ADAM23: variants seen among roughly 807,000 people sequenced by gnomAD.
ADAM23 encodes disintegrin and metalloproteinase domain-containing protein 23.
In ADAM23, 33 loss-of-function variants were observed where a neutral mutation model predicts 120.1. That is an observed-to-expected ratio of 0.27 (90% confidence interval 0.21 to 0.37). The LOEUF (loss-of-function observed/expected upper bound fraction) is 0.37. Among genes scored for constraint, ADAM23 ranks in the 10% least tolerant of loss-of-function variants. The pLI is 1.00. For synonymous variants in ADAM23, 367 were observed against 375.2 expected (o/e 0.98, Z 0.25); for missense variants, 862 against 1,058.2 (o/e 0.81, Z 2.57).
intron 18 of ADAM23, among the ~76,000 whole-genome samples, chr2:206,579,446 A>G (rs576087811): frequency 4.6e-5 from 7 of 152,266 alleles, no homozygotes; most frequent in African/African-American, 9.6e-5. Context: ...TCATTCTCCT[A>G]CATGTGGCTA....
intron 4 of ADAM23, among the ~76,000 whole-genome samples, chr2:206,539,939 A>C (rs1433646059): frequency 6.6e-6 from 1 of 152,226 alleles, no homozygotes; most frequent in Non-Finnish European, 1.5e-5. Context: ...ATATAACTAC[A>C]CAATTTAGCT....
intron 3 of ADAM23, among the ~76,000 whole-genome samples, chr2:206,502,034 G>A (rs1238695888): frequency 6.6e-6 from 1 of 152,052 alleles, no homozygotes; most frequent in East Asian, 1.9e-4. Flanking sequence ...GTATCTGGTT[G>A]CATTGGGAAG....
At chr2:206,450,538 C>A (rs1695171725) in intron 2 of ADAM23, among the ~76,000 whole-genome samples, 1 of 152,132 alleles carries the variant, frequency 6.6e-6, no homozygotes, top group South Asian at 2.1e-4. Context: ...TCAAAATACT[C>A]AAGTATTTTT....
At chr2:206,486,228 T>C (rs897382794) in intron 3 of ADAM23, among the ~76,000 whole-genome samples, 1 of 152,160 alleles carries the variant, frequency 6.6e-6, no homozygotes, top group Non-Finnish European at 1.5e-5. Flanking sequence ...ATTACACTCC[T>C]CTCAGGGTGC....
chr2:206,582,425 G>A (rs1698236821), intron 18 of ADAM23, among the ~76,000 whole-genome samples: 1 of 152,084 alleles, frequency 6.6e-6, no homozygotes, highest in Admixed American at 6.5e-5. Flanking sequence ...TTAAGTTTAT[G>A]TGAGTGTTTA....
rs1261680065 is a variant in ADAM23, at chr2:206,477,923, A to ATATATATATATATAT, written c.433-3309_433-3308insTATATATATATATAT. ...ATATATATATATATATATATATATA[A>ATATATATATATATAT]AACAACAATGTGGTTTATAAAATAA... On this transcript the variant is annotated intron_variant, in intron 2 of 25. Transcript: ENST00000264377. 4.3e-4 allele frequency among the ~76,000 whole-genome samples: 39 copies of ATATATATATATATAT among 90,642 alleles called. 1 individual carries two copies. The highest frequency in any genetic ancestry group is 6.2e-4 in the African/African-American group (13 of 21,102). The allele number at this position is 90,642 out of a possible 152,430, so 59.5% of individuals were successfully genotyped here.
At chr2:206,609,601 G>A in intron 24 of ADAM23, 1 of 291,490 alleles carries the variant, frequency 3.4e-6, no homozygotes, top group Non-Finnish European at 6.3e-6. Context: ...GATACTGGGA[G>A]AGGGGAAGAG....
chr2:206,535,788 T>G (rs1383131020), intron 4 of ADAM23, among the ~76,000 whole-genome samples: 2 of 152,208 alleles, frequency 1.3e-5, no homozygotes, highest in African/African-American at 4.8e-5. Flanking sequence ...AGGTTCATGA[T>G]TGCCAGGGCC....
At chr2:206,491,760 A>C (rs1219606230) in intron 3 of ADAM23, among the ~76,000 whole-genome samples, 1 of 152,246 alleles carries the variant, frequency 6.6e-6, no homozygotes, top group African/African-American at 2.4e-5. Flanking sequence ...CAAGAATTTT[A>C]TCTCTCTAGA....
chr2:206,559,693 T>C (rs1048638777), intron 10 of ADAM23, among the ~76,000 whole-genome samples: 4 of 152,204 alleles, frequency 2.6e-5, no homozygotes, highest in Non-Finnish European at 5.9e-5. Flanking sequence ...GAATCCTTAC[T>C]GTCTCTCCCT....
At chr2:206,444,599 A>T (rs1203440379) in intron 1 of ADAM23, among the ~76,000 whole-genome samples, 2 of 152,190 alleles carry the variant, frequency 1.3e-5, no homozygotes, top group Non-Finnish European at 2.9e-5. Context: ...TTTGGTTCTG[A>T]TTTCTCAAAG....
Position 206,620,434 on chromosome 2 carries a change from A to G in ADAM23, c.*2807A>G, listed in dbSNP as rs1430808182. On this transcript the variant is annotated 3_prime_UTR_variant, in exon 26 of 26. Coordinates refer to ENST00000264377, the MANE Select transcript of ADAM23 (RefSeq NM_003812.4). Reference sequence around the variant, plus strand: ...ATATCAATTGTAAAAATGGATTATAATTATTTTTGATGGTATTAGGTTATG... The same window carrying G: ...ATATCAATTGTAAAAATGGATTATAGTTATTTTTGATGGTATTAGGTTATG... 1 of 152,186 alleles carries G rather than the reference A, an allele frequency of 6.6e-6. No individual in the cohort carries two copies. The highest frequency in any genetic ancestry group is 1.5e-5 in the Non-Finnish European group (1 of 68,032). The allele number at this position is 152,186 out of a possible 1,614,324, so 9.4% of individuals were successfully genotyped here. A position where few individuals can be genotyped will look rare whatever the true frequency, so the allele number is the denominator to read the frequency against.
chr2:206,558,011 G>A (rs928311810), intron 10 of ADAM23, among the ~76,000 whole-genome samples: 1 of 152,138 alleles, frequency 6.6e-6, no homozygotes, highest in Admixed American at 6.5e-5. Context: ...GGAAATAAGT[G>A]CAGTCCCCAA....
intron 24 of ADAM23, chr2:206,606,580 T>C (rs1698732162): frequency 6.6e-6 from 1 of 152,206 alleles, no homozygotes; most frequent in East Asian, 1.9e-4. Flanking sequence ...GTCTTAAAAG[T>C]AGCCAGGGTG....
chr2:206,615,212 A>G (rs1463553804), intron 25 of ADAM23, among the ~76,000 whole-genome samples: 1 of 152,216 alleles, frequency 6.6e-6, no homozygotes, highest in Non-Finnish European at 1.5e-5. Flanking sequence ...AAAAGTCCAG[A>G]TTATTTCAGA....
intron 4 of ADAM23, among the ~76,000 whole-genome samples, chr2:206,532,575 T>C (rs942754259): frequency 6.6e-6 from 1 of 152,162 alleles, no homozygotes; most frequent in Non-Finnish European, 1.5e-5. Flanking sequence ...ACGTGCTTCA[T>C]AGATAATGAA....
At chr2:206,567,019 C>G (rs1378585731) in intron 14 of ADAM23, among the ~76,000 whole-genome samples, 1 of 152,184 alleles carries the variant, frequency 6.6e-6, no homozygotes, top group Non-Finnish European at 1.5e-5. Flanking sequence ...GCCCCCAAAT[C>G]TTTGATTTTC....
At chr2:206,556,594 G>C (rs1324453013) in intron 9 of ADAM23, among the ~76,000 whole-genome samples, 1 of 152,148 alleles carries the variant, frequency 6.6e-6, no homozygotes, top group African/African-American at 2.4e-5. Flanking sequence ...ATGTCCTCTT[G>C]AAGACATTAA....
intron 18 of ADAM23, among the ~76,000 whole-genome samples, chr2:206,574,406 T>C (rs1698070728): frequency 6.6e-6 from 1 of 151,414 alleles, no homozygotes; most frequent in Non-Finnish European, 1.5e-5. Flanking sequence ...GGTTTTCTTT[T>C]TTTTTTTTTT....
Sources: gnomAD v4.1 joint callset for allele counts (sites outside exome capture counted in the v4.1 genomes callset) on GRCh38, gnomAD v4.1.1 for gene constraint, MANE v1.5 for transcripts, NCBI Gene and HGNC (gene_info 2026-07-23, HGNC 2026-07-21) for gene names.